Variants in SUSD1 observed in about 807,000 individuals in gnomAD.
SUSD1 encodes the protein sushi domain-containing protein 1.
In SUSD1, 65 loss-of-function variants were observed where a neutral mutation model predicts 86.9. The ratio of observed to expected loss-of-function variants is 0.75; its 90% CI spans 0.61 to 0.92. The LOEUF is 0.92. Ranked by LOEUF, SUSD1 falls within the 40% of genes least tolerant of loss-of-function variation. The pLI is 0.00. For missense variants in SUSD1, 850 were observed against 929.7 expected (o/e 0.91, Z 1.11); for synonymous variants, 346 against 350.0 (o/e 0.99, Z 0.13).
intron 15 of SUSD1, among the ~76,000 whole-genome samples, chr9:112,049,933 C>A (rs1828117197): frequency 6.6e-6 from 1 of 152,262 alleles, no homozygotes; most frequent in Admixed American, 6.5e-5. Flanking sequence ...AAAGCAAAAT[C>A]CTCCCTGTTA....
At chr9:112,136,777 GT>G (rs1310021751) in intron 5 of SUSD1, among the ~76,000 whole-genome samples, 15 of 152,098 alleles carry the variant, frequency 9.9e-5, no homozygotes, top group Admixed American at 1.3e-4. Flanking sequence ...CTAAATTGTG[GT>G]ACAATTTATG....
chr9:112,070,789 GACAA>G (rs1829234498), intron 12 of SUSD1, among the ~76,000 whole-genome samples: 1 of 152,106 alleles, frequency 6.6e-6, no homozygotes, highest in South Asian at 2.1e-4. Flanking sequence ...GCACAGGACA[GACAA>G]ACAGTGAAAA....
chr9:112,174,941 G>A (rs1834207774), intron 1 of SUSD1, among the ~76,000 whole-genome samples, 192 bp downstream of exon 1: 1 of 151,748 alleles, frequency 6.6e-6, no homozygotes, highest in African/African-American at 2.4e-5. Context: ...GGGAAGCCCG[G>A]CGGGGAGCCC....
At chr9:112,153,541 T>C (rs1185075279) in intron 2 of SUSD1, among the ~76,000 whole-genome samples, 2 of 151,826 alleles carry the variant, frequency 1.3e-5, no homozygotes, top group African/African-American at 4.8e-5. Flanking sequence ...AAAATAATGA[T>C]AAAACATATA....
intron 12 of SUSD1, among the ~76,000 whole-genome samples, chr9:112,066,531 C>A (rs991635091): frequency 2.6e-5 from 4 of 152,122 alleles, no homozygotes; most frequent in African/African-American, 9.7e-5. Flanking sequence ...TGGCATTCTG[C>A]TGAATGAACG....
At chr9:112,067,836 C>T (rs1829059340) in intron 12 of SUSD1, among the ~76,000 whole-genome samples, 2 of 151,952 alleles carry the variant, frequency 1.3e-5, no homozygotes, top group Non-Finnish European at 2.9e-5. Context: ...TAGCCCTAAA[C>T]CCTGCCACTG....
chr9:112,140,250 T>G lies in SUSD1; in HGVS notation c.706+2070A>C, dbSNP rs1413046529. Reference sequence around the variant, plus strand: ...GGTGGCGGGCGCCTGTAGTCCCAGCTACTGGGGAGGCTGAGGCAGGAGAAT... The same window carrying G: ...GGTGGCGGGCGCCTGTAGTCCCAGCGACTGGGGAGGCTGAGGCAGGAGAAT... On this transcript the variant is annotated intron_variant, in intron 5 of 16. Transcript: ENST00000374270. 2.4e-4 allele frequency among the ~76,000 whole-genome samples: 31 copies of G among 127,444 alleles called. 7 individuals carry two copies. The highest frequency in any genetic ancestry group is 3.2e-4 in the Non-Finnish European group (20 of 62,962). The allele number at this position is 127,444 out of a possible 152,430, so 83.6% of individuals were successfully genotyped here. A position where few individuals can be genotyped will look rare whatever the true frequency, so the allele number is the denominator to read the frequency against.
In SUSD1 at chr9:112,098,447, AAAAG is replaced by A; in HGVS notation, c.1474+19_1474+22del. On this transcript the variant is annotated intron_variant, in intron 10 of 16. Coordinates refer to ENST00000374270, the MANE Select transcript of SUSD1 (RefSeq NM_022486.5). Reference sequence around the variant, plus strand: ...ATAGGTAATTTGTCCTGAGGCACAAAAAAGAAAGACGTCTACACCCACCTGCTGG... The same window carrying A: ...ATAGGTAATTTGTCCTGAGGCACAAAAAAGACGTCTACACCCACCTGCTGG... 6.2e-7 allele frequency: 1 copy of A among 1,609,080 alleles called. No individual in the cohort carries two copies. The highest frequency in any genetic ancestry group is 1.1e-5 in the South Asian group (1 of 90,792).
chr9:112,150,712 CT>C (rs1479872626), intron 2 of SUSD1, among the ~76,000 whole-genome samples: 1 of 152,162 alleles, frequency 6.6e-6, no homozygotes, highest in African/African-American at 2.4e-5. Context: ...TGTTACTGTA[CT>C]GAATACCGTA....
intron 4 of SUSD1, 33 bp downstream of exon 4, chr9:112,143,438 G>A (rs374950211): frequency 1.1e-4 from 169 of 1,607,248 alleles, no homozygotes; most frequent in Middle Eastern, 1.7e-4. Context: ...AGAATTTCAC[G>A]TTGAGATGCC....
intron 12 of SUSD1, among the ~76,000 whole-genome samples, chr9:112,070,784 GGACA>G (rs1397911696): frequency 2.0e-5 from 3 of 152,140 alleles, no homozygotes; most frequent in Admixed American, 6.5e-5. Flanking sequence ...TACACGCACA[GGACA>G]GACAAACAGT....
chr9:112,083,479 T>G (rs1829853578), intron 10 of SUSD1, among the ~76,000 whole-genome samples: 1 of 152,148 alleles, frequency 6.6e-6, no homozygotes, highest in Non-Finnish European at 1.5e-5. Context: ...CCGCCCACCT[T>G]GGCCTCCCAA....
chr9:112,141,741 TATTACATGTAATATATAATATATAATAC>T (rs1464222212), intron 5 of SUSD1, among the ~76,000 whole-genome samples: 3 of 128,682 alleles, frequency 2.3e-5, no homozygotes, highest in Admixed American at 1.6e-4. Flanking sequence ...ATATAATATA[TATTACATGTAATATATAATATATAATAC>T]ATTACATGTA....
At chr9:112,168,674 G>A (rs927117721) in intron 1 of SUSD1, among the ~76,000 whole-genome samples, 2 of 152,134 alleles carry the variant, frequency 1.3e-5, no homozygotes, top group Non-Finnish European at 1.5e-5. Flanking sequence ...ACAAATGCAG[G>A]CCAAGCACAA....
chr9:112,063,008 A>C lies in SUSD1; in HGVS notation c.1779T>G (p.Phe593Leu). Reference protein sequence around the residue: ...ITEPPLPEVEFFTVHRGPLPR... With the variant: ...ITEPPLPEVELFTVHRGPLPR... ...GTAGAGGTCCTCTGTGCACCGTAAA[A>C]AATTCTACTTCCGGGAGGGGAGGCT... The change falls in exon 13 of 17, where the codon TTT becomes TTG. Residue 593 changes from phenylalanine (F) to leucine (L), a missense_variant. By Grantham distance (22) the Phe-to-Leu change is conservative. Transcript: ENST00000374270. 1.2e-6 allele frequency: 2 copies of C among 1,613,502 alleles called. No homozygotes were observed.
At chr9:112,126,382 C>T (rs1024841355) in intron 5 of SUSD1, among the ~76,000 whole-genome samples, 10 of 152,160 alleles carry the variant, frequency 6.6e-5, no homozygotes, top group African/African-American at 2.4e-4. Flanking sequence ...ACTAGATTGG[C>T]TTCCATCTTG....
At chr9:112,167,534 C>A (rs1833873494) in intron 1 of SUSD1, among the ~76,000 whole-genome samples, 1 of 152,170 alleles carries the variant, frequency 6.6e-6, no homozygotes, top group Non-Finnish European at 1.5e-5. Flanking sequence ...TCCATTTCCA[C>A]AGATTTTGTT....
intron 1 of SUSD1, chr9:112,173,554 C>T: frequency 2.9e-6 from 1 of 341,778 alleles, no homozygotes; most frequent in African/African-American, 2.1e-5. Context: ...GCCTGAGCTC[C>T]TTCGGGAGTC....
At position 112,138,237 on chromosome 9, in the gene SUSD1, G is replaced by GTATA. The variant is rs375674193; in HGVS notation, c.706+4079_706+4082dup. Among the ~76,000 whole-genome samples, 40 of 4,140 alleles carry GTATA rather than the reference G, an allele frequency of 9.7e-3. 3 individuals are homozygous for GTATA. The highest frequency in any genetic ancestry group is 0.016 in the African/African-American group (8 of 500). The allele number at this position is 4,140 out of a possible 152,430, so 2.7% of individuals were successfully genotyped here. On this transcript the variant is annotated intron_variant, in intron 5 of 16. Coordinates refer to ENST00000374270, the MANE Select transcript of SUSD1 (RefSeq NM_022486.5). ...AGACTCCATCTCAAAAAAAAAATGT[G>GTATA]TATATATATATATATATATGTGTAT...
Sources: allele counts gnomAD v4.1 joint callset (sites outside exome capture counted in the v4.1 genomes callset), GRCh38; gene constraint gnomAD v4.1.1; transcripts MANE v1.5; gene names NCBI Gene and HGNC (gene_info 2026-07-23, HGNC 2026-07-21).